Variants in NFIA observed in about 807,000 individuals in gnomAD.
NFIA encodes the protein nuclear factor I A.
NFIA carries 8 observed loss-of-function variants against 62.8 expected under a neutral mutation model. That is an observed-to-expected ratio of 0.13 (90% CI 0.07 to 0.23). NFIA has a LOEUF of 0.23. Among genes scored for constraint, NFIA ranks in the 10% least tolerant of loss-of-function variants. The pLI is 1.00. For synonymous variants in NFIA, 235 were observed against 238.1 expected (o/e 0.99, Z 0.12); for missense variants, 410 against 642.1 (o/e 0.64, Z 3.91).
At chr1:61,388,915 C>G (rs1664833876) in intron 7 of NFIA, among the ~76,000 whole-genome samples, 1 of 152,086 alleles carries the variant, frequency 6.6e-6, no homozygotes, top group Admixed American at 6.6e-5. Flanking sequence ...GGGTTTGAGA[C>G]CAGCCTGAGC....
At chr1:61,087,670 C>G (rs1288549541) in intron 1 of NFIA, among the ~76,000 whole-genome samples, 2 of 152,070 alleles carry the variant, frequency 1.3e-5, no homozygotes, top group African/African-American at 2.4e-5. Context: ...TTTTTTGCTC[C>G]TAGACTTCCA....
intron 2 of NFIA, among the ~76,000 whole-genome samples, chr1:61,157,041 G>C (rs550933938): frequency 6.6e-6 from 1 of 152,338 alleles, no homozygotes; most frequent in South Asian, 2.1e-4. Flanking sequence ...AGTGGCCAAA[G>C]AGAACTGCAT....
At chr1:61,256,551 C>G (rs924482850) in intron 2 of NFIA, among the ~76,000 whole-genome samples, 1 of 151,602 alleles carries the variant, frequency 6.6e-6, no homozygotes, top group Non-Finnish European at 1.5e-5. Flanking sequence ...GTGGGTTGGA[C>G]GAGCTTGGTT....
At chr1:61,079,781 A>G (rs1052375537), upstream of NFIA, among the ~76,000 whole-genome samples, 20 of 152,156 alleles carry the variant, frequency 1.3e-4, no homozygotes, top group African/African-American at 4.3e-4. Context: ...AACTCTGGAC[A>G]AGGATTTACT....
intron 2 of NFIA, among the ~76,000 whole-genome samples, chr1:61,134,596 G>A (rs781247697): frequency 2.4e-4 from 37 of 152,178 alleles, no homozygotes; most frequent in Non-Finnish European, 3.7e-4. Context: ...TCTTAAGATT[G>A]ATGACTAAGT....
At chr1:61,378,247 T>C (rs1434540793) in intron 6 of NFIA, among the ~76,000 whole-genome samples, 1 of 152,226 alleles carries the variant, frequency 6.6e-6, no homozygotes, top group East Asian at 1.9e-4. Flanking sequence ...CCCAAGAATT[T>C]GAGTTTTTTT....
At chr1:61,164,290 TTAGAC>T (rs1190985691) in intron 2 of NFIA, among the ~76,000 whole-genome samples, 8 of 152,154 alleles carry the variant, frequency 5.3e-5, no homozygotes, top group African/African-American at 1.4e-4. Flanking sequence ...AGGAGATACA[TTAGAC>T]TAGCCTTATT....
At chr1:61,384,504 T>C (rs1222276810) in intron 7 of NFIA, among the ~76,000 whole-genome samples, 1 of 152,200 alleles carries the variant, frequency 6.6e-6, no homozygotes, top group East Asian at 1.9e-4. Flanking sequence ...TTGTGTATTA[T>C]GTGTGGTATA....
chr1:61,416,847 A>G (rs2100541268), intron 9 of NFIA, among the ~76,000 whole-genome samples: 1 of 152,272 alleles, frequency 6.6e-6, no homozygotes, highest in African/African-American at 2.4e-5. Flanking sequence ...CTACTCTACC[A>G]GGACACATAC....
chr1:61,167,246 G>GGCAA (rs1649640986), intron 2 of NFIA, among the ~76,000 whole-genome samples: 1 of 152,162 alleles, frequency 6.6e-6, no homozygotes, highest in Non-Finnish European at 1.5e-5. Flanking sequence ...CAATCTGTAT[G>GGCAA]GCAAGGAAGA....
chr1:61,108,781 T>C (rs1037233407), intron 2 of NFIA, among the ~76,000 whole-genome samples: 1 of 151,820 alleles, frequency 6.6e-6, no homozygotes, highest in Non-Finnish European at 1.5e-5. Context: ...ATTTTCCTCT[T>C]ATTTTTAAAA....
At chr1:61,366,295 G>A (rs1199612486) in intron 6 of NFIA, among the ~76,000 whole-genome samples, 3 of 152,022 alleles carry the variant, frequency 2.0e-5, no homozygotes, top group African/African-American at 4.8e-5. Context: ...GACCTAAAAA[G>A]TAAAGCAAAT....
chr1:61,394,214 C>T (rs1665153396), intron 7 of NFIA, among the ~76,000 whole-genome samples: 1 of 152,300 alleles, frequency 6.6e-6, no homozygotes, highest in Non-Finnish European at 1.5e-5. Flanking sequence ...TGCTCTGTTG[C>T]CCAGGCTGGA....
intron 2 of NFIA, among the ~76,000 whole-genome samples, chr1:61,245,470 AAC>A (rs1421234425): frequency 6.6e-6 from 1 of 152,176 alleles, no homozygotes; most frequent in Non-Finnish European, 1.5e-5. Context: ...AAATGATTTT[AAC>A]ACTTTGTTCA....
rs1450467147 is a variant in NFIA, at chr1:61,099,911, G to A, written c.559+11231G>A. On this transcript the variant is annotated intron_variant, in intron 2 of 10. Transcript: ENST00000403491. ...GTGAGGAAACAGCCAGAGAGGTTGA[G>A]TAACTTGTCCAGGGTTATATGGTTA... Among the ~76,000 whole-genome samples the A allele has an allele frequency of 2.6e-5, 4 of 152,314 alleles. No homozygotes were observed. In the South Asian group the frequency reaches 8.3e-4, roughly 32 times the overall value.
chr1:61,156,604 A>G (rs964969322), intron 2 of NFIA, among the ~76,000 whole-genome samples: 1 of 152,176 alleles, frequency 6.6e-6, no homozygotes, highest in East Asian at 1.9e-4. Flanking sequence ...CAGTTATCCC[A>G]TCAGTAAGAC....
intron 2 of NFIA, among the ~76,000 whole-genome samples, chr1:61,146,588 C>G (rs1161439401): frequency 6.6e-6 from 1 of 152,180 alleles, no homozygotes; most frequent in Non-Finnish European, 1.5e-5. Context: ...CTCCAAGGAG[C>G]CTTCCTGAAT....
At chr1:61,388,499 A>G (rs1664811759) in intron 7 of NFIA, among the ~76,000 whole-genome samples, 2 of 152,178 alleles carry the variant, frequency 1.3e-5, no homozygotes, top group Non-Finnish European at 2.9e-5. Flanking sequence ...AAGTTTCTTG[A>G]AGGTTTAGAT....
chr1:61,393,286 T>TCTCTCTCTCC (rs1553181529), intron 7 of NFIA, among the ~76,000 whole-genome samples: 12 of 48,318 alleles, frequency 2.5e-4, no homozygotes, highest in South Asian at 7.5e-4. Flanking sequence ...TCTCTCTCTC[T>TCTCTCTCTCC]CTCTCCCTCT....
Sources: allele counts gnomAD v4.1 joint callset (sites outside exome capture counted in the v4.1 genomes callset), GRCh38; gene constraint gnomAD v4.1.1; transcripts MANE v1.5; gene names NCBI Gene and HGNC (gene_info 2026-07-23, HGNC 2026-07-21).